Variants in STYX observed in about 807,000 individuals in gnomAD.
The protein encoded by STYX is serine/threonine/tyrosine interacting protein.
STYX carries 20 observed loss-of-function variants against 42.7 expected under a neutral mutation model. That is an observed-to-expected ratio of 0.47 (90% confidence interval 0.33 to 0.68). The LOEUF (loss-of-function observed/expected upper bound fraction) is 0.68, where lower values mean the gene tolerates loss of function less well. Ranked by LOEUF, STYX falls within the 30% of genes least tolerant of loss-of-function variation. The pLI, the probability that STYX is intolerant of heterozygous loss-of-function variation, is 0.02. For synonymous variants in STYX, 78 were observed against 81.9 expected (o/e 0.95, Z 0.26); for missense variants, 226 against 268.5 (o/e 0.84, Z 1.11).
At chr14:52,752,077 T>C (rs1881634186) in intron 4 of STYX, among the ~76,000 whole-genome samples, 1 of 151,614 alleles carries the variant, frequency 6.6e-6, no homozygotes, top group Admixed American at 6.6e-5. Context: ...GGAGAATTGC[T>C]TGAACCCAGA....
intron 10 of STYX, among the ~76,000 whole-genome samples, chr14:52,769,262 A>G (rs1380163789): frequency 6.6e-6 from 1 of 152,066 alleles, no homozygotes; most frequent in Non-Finnish European, 1.5e-5. Context: ...CTTGCCATCA[A>G]TATTTCCATC....
intron 4 of STYX, among the ~76,000 whole-genome samples, chr14:52,751,905 G>A (rs971594960): frequency 7.2e-5 from 11 of 152,160 alleles, no homozygotes; most frequent in Admixed American, 6.5e-4. Flanking sequence ...GCTCACGCCT[G>A]TAATCCCAGC....
chr14:52,739,837 T>A (rs1019801601), intron 1 of STYX, among the ~76,000 whole-genome samples: 1 of 151,620 alleles, frequency 6.6e-6, no homozygotes, highest in African/African-American at 2.4e-5. Flanking sequence ...AGAGATGAGG[T>A]CTCCCTATAT....
chr14:52,741,469 A>G (rs1881190327), intron 1 of STYX, among the ~76,000 whole-genome samples: 1 of 151,798 alleles, frequency 6.6e-6, no homozygotes, highest in Non-Finnish European at 1.5e-5. Flanking sequence ...ATGGAGTCTC[A>G]CTCTGTCACC....
chr14:52,757,409 T>C, intron 6 of STYX, 54 bp downstream of exon 6: 1 of 1,480,254 alleles, frequency 6.8e-7, no homozygotes, highest in East Asian at 2.3e-5. Context: ...TATTTGTTAA[T>C]TTTTTAGTTG....
chr14:52,755,301 T>A (rs966460200), intron 4 of STYX, among the ~76,000 whole-genome samples: 11 of 151,992 alleles, frequency 7.2e-5, no homozygotes, highest in African/African-American at 2.4e-4. Flanking sequence ...TTTTATATTT[T>A]TAGTAGAGAT....
chr14:52,768,903 A>G lies in STYX; in HGVS notation c.568A>G (p.Arg190Gly). The G allele has an allele frequency of 6.2e-7, 1 of 1,603,080 alleles. No homozygotes were observed. The highest frequency in any genetic ancestry group is 8.5e-7 in the Non-Finnish European group (1 of 1,175,440). ...GATGATGTCACCACTCCAGATAGAA[A>G]GGTCATTATCTGTTCATTCTGGTAC... ...IQMMSPLQIERSLSVHSGTTG... is the reference protein window; with the variant it reads ...IQMMSPLQIEGSLSVHSGTTG... Residue 190 changes from arginine to glycine, a missense_variant, in exon 10 of 11, where the codon AGG (arginine) becomes GGG (glycine). Physicochemically the swap from Arg to Gly is moderately radical, Grantham distance 125 (BLOSUM62 -2). Coordinates refer to ENST00000354586, the MANE Select transcript of STYX (RefSeq NM_145251.4).
chr14:52,756,674 G>GTT, intron 5 of STYX, 63 bp downstream of exon 5: 1 of 195,908 alleles, frequency 5.1e-6, no homozygotes. Context: ...TCTTAGTTGT[G>GTT]CTTTTTTTTT....
chr14:52,765,594 G>C (rs910179577), intron 9 of STYX, among the ~76,000 whole-genome samples: 1 of 152,180 alleles, frequency 6.6e-6, no homozygotes, highest in Non-Finnish European at 1.5e-5. Context: ...TGTATCAGGA[G>C]AAGGTTGTCT....
intron 9 of STYX, among the ~76,000 whole-genome samples, chr14:52,765,015 C>T (rs539509667): frequency 3.3e-5 from 5 of 152,236 alleles, no homozygotes; most frequent in Admixed American, 2.6e-4. Flanking sequence ...ATTACCTGTT[C>T]CAGTGTCTTT....
intron 9 of STYX, among the ~76,000 whole-genome samples, chr14:52,768,238 T>C (rs887352644): frequency 2.0e-5 from 3 of 152,132 alleles, no homozygotes; most frequent in Non-Finnish European, 1.5e-5. Flanking sequence ...AAAATGTAAA[T>C]AAACATCCAT....
intron 10 of STYX, 148 bp from the exon 11 acceptor site, chr14:52,770,885 C>A: frequency 2.0e-6 from 1 of 508,052 alleles, no homozygotes; most frequent in Non-Finnish European, 3.4e-6. Flanking sequence ...GGTAATTTAT[C>A]ACAAAGGAAT....
intron 3 of STYX, among the ~76,000 whole-genome samples, chr14:52,748,644 C>T (rs913675018): frequency 6.6e-6 from 1 of 152,068 alleles, no homozygotes; most frequent in Non-Finnish European, 1.5e-5. Flanking sequence ...AAAATCTATT[C>T]GCTGTTACGT....
chr14:52,756,073 G>T (rs1881851579), intron 4 of STYX, among the ~76,000 whole-genome samples: 1 of 152,160 alleles, frequency 6.6e-6, no homozygotes, highest in South Asian at 2.1e-4. Flanking sequence ...AGGCTGGAGT[G>T]CAGTGGCCCA....
Position 52,730,539 on chromosome 14 carries a change from G to T in STYX, c.57+8G>T, listed in dbSNP as rs960067948. The T allele has an allele frequency of 6.2e-7, 1 of 1,612,212 alleles. No homozygotes were observed. The highest frequency in any genetic ancestry group is 8.5e-7 in the Non-Finnish European group (1 of 1,179,478). On this transcript the variant is annotated splice_region_variant and intron_variant, in intron 1 of 10. Transcript: ENST00000354586. Reference sequence around the variant, plus strand: ...TGCAAGGAAGACGCCGAGGTGAGTCGCTCCCGTGGCTGCCACGCACAGGCC... The same window carrying T: ...TGCAAGGAAGACGCCGAGGTGAGTCTCTCCCGTGGCTGCCACGCACAGGCC...
intron 9 of STYX, 37 bp from the exon 10 acceptor site, chr14:52,768,803 A>T: frequency 7.0e-7 from 1 of 1,434,132 alleles, no homozygotes; most frequent in Non-Finnish European, 9.5e-7. Context: ...AAGAATGTAA[A>T]TATATAATTA....
chr14:52,758,080 C>G (rs1881946674), intron 8 of STYX, among the ~76,000 whole-genome samples, 156 bp downstream of exon 8: 1 of 152,074 alleles, frequency 6.6e-6, no homozygotes, highest in South Asian at 2.1e-4. Flanking sequence ...TTAGTCTTAA[C>G]CTAATTTATC....
intron 9 of STYX, among the ~76,000 whole-genome samples, chr14:52,766,587 C>T (rs1361006486): frequency 2.0e-5 from 3 of 152,176 alleles, no homozygotes; most frequent in African/African-American, 7.2e-5. Context: ...GGATTACAGG[C>T]ATGAGCCACT....
intron 2 of STYX, among the ~76,000 whole-genome samples, chr14:52,745,447 T>G (rs1454770392): frequency 6.6e-6 from 1 of 152,260 alleles, no homozygotes; most frequent in African/African-American, 2.4e-5. Flanking sequence ...TGAGTCACTT[T>G]CTTTTTCCTC....
Sources: allele counts gnomAD v4.1 joint callset (sites outside exome capture counted in the v4.1 genomes callset), GRCh38; gene constraint gnomAD v4.1.1; transcripts MANE v1.5; gene names NCBI Gene and HGNC (gene_info 2026-07-23, HGNC 2026-07-21).